The following ATP2C2 variants were observed in gnomAD, a reference collection of about 807,000 sequenced individuals.
ATP2C2 encodes ATPase secretory pathway Ca2+ transporting 2.
ATP2C2 carries 171 observed loss-of-function variants against 110.8 expected under a neutral mutation model. The ratio of observed to expected loss-of-function variants is 1.54; its 90% confidence interval spans 1.36 to 1.75. The LOEUF (loss-of-function observed/expected upper bound fraction) is 1.75. Ranked by LOEUF, ATP2C2 falls within the 40% of genes most tolerant of loss-of-function variation. The probability of loss-of-function intolerance (pLI) is 0.00; values close to 1 mark genes in which losing one functional copy is unlikely to be tolerated. For missense variants in ATP2C2, 1,963 were observed against 1,235.0 expected (o/e 1.59, Z -8.84); for synonymous variants, 804 against 508.4 (o/e 1.58, Z -7.82).
At chr16:84,374,166 A>T (rs1014049483) in intron 1 of ATP2C2, among the ~76,000 whole-genome samples, 11 of 152,230 alleles carry the variant, frequency 7.2e-5, no homozygotes, top group African/African-American at 2.4e-4. Flanking sequence ...CAAAGACTGG[A>T]TTCATGTAAG....
chr16:84,460,858 G>C, intron 24 of ATP2C2, 57 bp downstream of exon 24: 1 of 1,544,460 alleles, frequency 6.5e-7, no homozygotes, highest in Non-Finnish European at 8.8e-7. Context: ...CAGACGCTGG[G>C]GACTGCAGTC....
At chr16:84,435,479 A>C (rs1028643142) in intron 11 of ATP2C2, among the ~76,000 whole-genome samples, 1 of 152,184 alleles carries the variant, frequency 6.6e-6, no homozygotes, top group Non-Finnish European at 1.5e-5. Flanking sequence ...TCATGCAGCA[A>C]ATATTTACTG....
intron 21 of ATP2C2, among the ~76,000 whole-genome samples, chr16:84,458,445 T>C (rs1461833639): frequency 6.9e-6 from 1 of 145,514 alleles, no homozygotes; most frequent in African/African-American, 2.6e-5. Context: ...TGTATACATA[T>C]GTAACTAACC....
intron 26 of ATP2C2, 101 bp from the exon 27 acceptor site, chr16:84,463,513 C>A: frequency 1.0e-6 from 1 of 976,004 alleles, no homozygotes; most frequent in Non-Finnish European, 1.6e-6. Flanking sequence ...TGGTCCTCCG[C>A]ACCTCTCACT....
At chr16:84,456,636 C>T (rs1297509947) in intron 21 of ATP2C2, among the ~76,000 whole-genome samples, 4 of 96,002 alleles carry the variant, frequency 4.2e-5, no homozygotes, top group Non-Finnish European at 8.3e-5. Context: ...TAAGCAACTT[C>T]AGCAAAGTCT....
At chr16:84,384,729 C>T (rs1484302438) in intron 1 of ATP2C2, among the ~76,000 whole-genome samples, 1 of 152,158 alleles carries the variant, frequency 6.6e-6, no homozygotes, top group Non-Finnish European at 1.5e-5. Context: ...ATTCCATCTA[C>T]ATTAGTCCCT....
chr16:84,462,368 G>T, intron 26 of ATP2C2: 1 of 474,292 alleles, frequency 2.1e-6, no homozygotes. Context: ...TAGGGTCTGG[G>T]GCCCAAGGGG....
At chr16:84,387,692 G>C (rs1158054262) in intron 1 of ATP2C2, among the ~76,000 whole-genome samples, 1 of 152,180 alleles carries the variant, frequency 6.6e-6, no homozygotes, top group Non-Finnish European at 1.5e-5. Flanking sequence ...CTTCTCCAAG[G>C]TTGCGGCCCC....
intron 11 of ATP2C2, among the ~76,000 whole-genome samples, chr16:84,433,693 C>G (rs1456497891): frequency 5.3e-5 from 8 of 151,836 alleles, no homozygotes; most frequent in East Asian, 1.9e-4. Flanking sequence ...AACACACACA[C>G]ACACACACAC....
chr16:84,460,354 G>T (rs1270783899), intron 23 of ATP2C2: 1 of 435,796 alleles, frequency 2.3e-6, no homozygotes, highest in East Asian at 4.7e-5. Context: ...CGTTGGGGGG[G>T]GTCCCCTCGG....
At chr16:84,459,564 G>T in intron 23 of ATP2C2, 178 bp downstream of exon 23, 1 of 1,537,068 alleles carries the variant, frequency 6.5e-7, no homozygotes, top group Non-Finnish European at 8.7e-7. Flanking sequence ...AGAAGGCAGA[G>T]GAGAAAGTAC....
chr16:84,386,619 C>T (rs940805195), intron 1 of ATP2C2, among the ~76,000 whole-genome samples: 2 of 152,170 alleles, frequency 1.3e-5, no homozygotes, highest in Admixed American at 6.6e-5. Flanking sequence ...ACTCCCACTG[C>T]GTATGCACAC....
chr16:84,459,552 G>C lies in ATP2C2; in HGVS notation c.2333+166G>C, dbSNP rs1038268136. 3.9e-6 allele frequency: 6 copies of C among 1,538,396 alleles called. No homozygotes were observed. The Admixed American group carries it at 5.9e-5, about 15-fold the overall frequency. ...GTGTTGCACTGCAGTGAGACTGGGAGTAGAAGGCAGAGGAGAAAGTACCTG... is the reference window on the plus strand; with the variant it reads ...GTGTTGCACTGCAGTGAGACTGGGACTAGAAGGCAGAGGAGAAAGTACCTG... On this transcript the variant is annotated intron_variant, in intron 23 of 26. Coordinates refer to ENST00000262429, the MANE Select transcript of ATP2C2 (RefSeq NM_014861.4).
chr16:84,370,144 A>C (rs1597720259), intron 1 of ATP2C2, among the ~76,000 whole-genome samples: 1 of 151,788 alleles, frequency 6.6e-6, no homozygotes, highest in East Asian at 1.9e-4. Flanking sequence ...ATGCAGGTGC[A>C]TGGATGATGT....
At position 84,368,713 on chromosome 16, in the gene ATP2C2, T is replaced by A; in HGVS notation, c.98T>A (p.Leu33Ter). The A allele has an allele frequency of 6.5e-7, 1 of 1,536,686 alleles. No individual in the cohort carries two copies. Residue 33 changes from leucine to a stop codon, truncating the protein, a stop_gained and splice_region_variant, in exon 1 of 27, where the codon TTG becomes TAG. Transcript: ENST00000262429. LOFTEE classifies it high-confidence loss of function. Reference protein sequence around the residue: ...QALEKDEEEALIDEQSELKAI... With the variant: ...QALEKDEEEA Reference sequence around the variant, plus strand: ...CTGGAGAAGGACGAAGAGGAAGCCTTGGTGAGTCCCCGCGACTCCGCGCCG... The same window carrying A: ...CTGGAGAAGGACGAAGAGGAAGCCTAGGTGAGTCCCCGCGACTCCGCGCCG...
chr16:84,376,955 T>C (rs1910285375), intron 1 of ATP2C2, among the ~76,000 whole-genome samples: 1 of 152,230 alleles, frequency 6.6e-6, no homozygotes, highest in African/African-American at 2.4e-5. Flanking sequence ...GGACTGTCAG[T>C]GATTCTTCTG....
intron 20 of ATP2C2, 104 bp downstream of exon 20, chr16:84,453,475 C>G: frequency 1.4e-6 from 2 of 1,455,830 alleles, no homozygotes; most frequent in South Asian, 2.3e-5. Context: ...CAGGGCCCGA[C>G]CGTGGCTTCC....
At position 84,442,559 on chromosome 16, in the gene ATP2C2, G is replaced by A. The variant is rs1267538810; in HGVS notation, c.1361G>A (p.Gly454Glu). The A allele has an allele frequency of 6.2e-7, 1 of 1,614,072 alleles. No individual in the cohort carries two copies. The highest frequency in any genetic ancestry group is 1.6e-4 in the Middle Eastern group (1 of 6,062). Reference sequence around the variant, plus strand: ...GTCATCAGAAAGAACGCCGTGATGGGGCAGCCCACCGAGGGTGCATTGATG... The same window carrying A: ...GTCATCAGAAAGAACGCCGTGATGGAGCAGCCCACCGAGGGTGCATTGATG... ...NAVIRKNAVM[G>E]QPTEGALMAL... The change falls in exon 15 of 27, where the codon GGG becomes GAG. Residue 454 changes from glycine (G) to glutamate (E), a missense_variant. Physicochemically the swap from Gly to Glu is moderately conservative, Grantham distance 98. Coordinates refer to ENST00000262429, the MANE Select transcript of ATP2C2 (RefSeq NM_014861.4).
rs1908970555 is a variant in ATP2C2, at chr16:84,438,747, A to T, written c.987-419A>T. Among the ~76,000 whole-genome samples the T allele has an allele frequency of 2.0e-5, 3 of 152,326 alleles. No individual in the cohort carries two copies. The South Asian group carries it at 6.2e-4, about 32-fold the overall frequency. ...TGTCTACACCACTACACTCATGAAA[A>T]GTGAAATTCAAGGGACTCACGAGGA... On this transcript the variant is annotated intron_variant, in intron 11 of 26. Transcript: ENST00000262429.
Sources: gnomAD v4.1 joint callset for allele counts (sites outside exome capture counted in the v4.1 genomes callset) on GRCh38, gnomAD v4.1.1 for gene constraint, MANE v1.5 for transcripts, NCBI Gene and HGNC (gene_info 2026-07-23, HGNC 2026-07-21) for gene names.